Variants in LARGE1 observed in about 807,000 individuals in gnomAD.
The protein encoded by LARGE1 is xylosyl- and glucuronyltransferase LARGE1.
In LARGE1, 43 loss-of-function variants were observed where a neutral mutation model predicts 87.6. That is an observed-to-expected ratio of 0.49 (90% confidence interval 0.38 to 0.63). The LOEUF (loss-of-function observed/expected upper bound fraction) is 0.63, where lower values mean the gene tolerates loss of function less well. Among genes scored for constraint, LARGE1 ranks in the 30% least tolerant of loss-of-function variants. The probability of loss-of-function intolerance (pLI) is 0.00; values close to 1 mark genes in which losing one functional copy is unlikely to be tolerated. For synonymous variants in LARGE1, 434 were observed against 394.6 expected (o/e 1.10, Z -1.18); for missense variants, 802 against 1,000.2 (o/e 0.80, Z 2.67).
intron 2 of LARGE1, among the ~76,000 whole-genome samples, chr22:33,721,782 A>T (rs1188662578): frequency 6.6e-6 from 1 of 152,240 alleles, no homozygotes; most frequent in African/African-American, 2.4e-5. Flanking sequence ...TGGACTGTGC[A>T]TCCTGATTGG....
At chr22:33,425,290 T>C (rs1242556913) in intron 7 of LARGE1, among the ~76,000 whole-genome samples, 2 of 151,982 alleles carry the variant, frequency 1.3e-5, no homozygotes, top group African/African-American at 2.4e-5. Context: ...AAAGAGGATA[T>C]ACAGACAGAA....
intron 5 of LARGE1, among the ~76,000 whole-genome samples, chr22:33,569,616 G>C (rs1157776328): frequency 6.6e-6 from 1 of 152,148 alleles, no homozygotes; most frequent in South Asian, 2.1e-4. Context: ...CACCCTCTTA[G>C]AGACGGCATG....
chr22:33,314,282 C>G (rs1260952789), intron 11 of LARGE1, among the ~76,000 whole-genome samples: 2 of 152,254 alleles, frequency 1.3e-5, no homozygotes, highest in South Asian at 4.1e-4. Context: ...TCTTTTGGAG[C>G]CTGTGAATCC....
intron 9 of LARGE1, among the ~76,000 whole-genome samples, chr22:33,346,501 C>T (rs1409966673): frequency 1.3e-5 from 2 of 152,094 alleles, no homozygotes; most frequent in Non-Finnish European, 2.9e-5. Context: ...CGAGGTTTCG[C>T]CATGTTGTCC....
chr22:33,806,341 G>A (rs766937052), intron 1 of LARGE1, among the ~76,000 whole-genome samples: 1 of 152,134 alleles, frequency 6.6e-6, no homozygotes, highest in South Asian at 2.1e-4. Context: ...ATGGAGCTAG[G>A]GACACACGTG....
intron 1 of LARGE1, among the ~76,000 whole-genome samples, chr22:33,787,359 G>A (rs145239679): frequency 1.3e-5 from 2 of 152,220 alleles, no homozygotes; most frequent in East Asian, 1.9e-4. Flanking sequence ...TTTTCCCTAC[G>A]CTCCTCCTAC....
chr22:33,570,092 G>A (rs150384081), intron 5 of LARGE1, among the ~76,000 whole-genome samples: 2,026 of 152,282 alleles, frequency 0.013, 45 homozygotes, highest in African/African-American at 0.046. Context: ...TTAATGAGCT[G>A]TGTGACCTCA....
chr22:33,906,863 A>C (rs772361155), intron 1 of LARGE1, among the ~76,000 whole-genome samples: 25 of 152,210 alleles, frequency 1.6e-4, no homozygotes, highest in Non-Finnish European at 3.4e-4. Context: ...AAGGTGGGGA[A>C]GGCAAAGAGA....
At chr22:33,502,120 C>T (rs948354809) in intron 6 of LARGE1, among the ~76,000 whole-genome samples, 5 of 151,862 alleles carry the variant, frequency 3.3e-5, no homozygotes, top group Admixed American at 3.3e-4. Context: ...CCCTTGAACC[C>T]AGGAGGCGGA....
chr22:33,550,597 A>C (rs1175162304), intron 6 of LARGE1, among the ~76,000 whole-genome samples: 3 of 152,224 alleles, frequency 2.0e-5, no homozygotes, highest in African/African-American at 4.8e-5. Flanking sequence ...ACTCTTATAC[A>C]CTGTTGGTGG....
At chr22:33,118,094 A>G in the LARGE1 span, among the ~76,000 whole-genome samples, 3 of 152,186 alleles carry the variant, frequency 2.0e-5, no homozygotes, top group South Asian at 6.2e-4. Context: ...TAAAATTAGG[A>G]CCAGAGGCAG....
At chr22:33,111,725 G>C in the LARGE1 span, among the ~76,000 whole-genome samples, 3 of 152,210 alleles carry the variant, frequency 2.0e-5, no homozygotes, top group Non-Finnish European at 4.4e-5. Context: ...ATTTTGAGAA[G>C]GTTGCTTGAG....
chr22:33,766,276 C>T (rs2084897756), intron 1 of LARGE1, among the ~76,000 whole-genome samples: 1 of 152,132 alleles, frequency 6.6e-6, no homozygotes, highest in Non-Finnish European at 1.5e-5. Flanking sequence ...CCCTAAACAC[C>T]TCTCCCTCAA....
chr22:33,216,124 A>G (rs1238810572), intron 11 of LARGE1, among the ~76,000 whole-genome samples: 2 of 152,174 alleles, frequency 1.3e-5, no homozygotes, highest in Admixed American at 6.5e-5. Context: ...TTGTTCTTCA[A>G]TACTAGCTCT....
chr22:33,334,891 A>G (rs964400880), intron 10 of LARGE1, among the ~76,000 whole-genome samples: 2 of 152,230 alleles, frequency 1.3e-5, no homozygotes, highest in Non-Finnish European at 2.9e-5. Flanking sequence ...TTCCTGAGCA[A>G]ATAAGTATGG....
chr22:33,550,720 A>T (rs1032895059), intron 6 of LARGE1, among the ~76,000 whole-genome samples: 1 of 152,230 alleles, frequency 6.6e-6, no homozygotes, highest in African/African-American at 2.4e-5. Context: ...AAAAGAAATC[A>T]TTATATAAGA....
chr22:33,140,907 C>A, the LARGE1 span, among the ~76,000 whole-genome samples: 2 of 152,080 alleles, frequency 1.3e-5, no homozygotes, highest in Non-Finnish European at 2.9e-5. Context: ...TTAGTCCTGT[C>A]CCTCTAGAGA....
At chr22:33,598,881 A>T (rs937677853) in intron 5 of LARGE1, among the ~76,000 whole-genome samples, 1 of 152,240 alleles carries the variant, frequency 6.6e-6, no homozygotes, top group East Asian at 1.9e-4. Context: ...TCCTTTGGGT[A>T]TATACTCAGT....
rs184470685 is a variant in LARGE1 at position 33,331,268 on chromosome 22, A to G, written c.1287+6378T>C. 1.8e-3 allele frequency among the ~76,000 whole-genome samples: 269 copies of G among 152,320 alleles called. 3 individuals carry two copies. The highest frequency in any genetic ancestry group is 6.3e-3 in the African/African-American group (260 of 41,570). ...GTGACTTCTCTGAGGTCATGTGTCT[A>G]TTAAATGAGCGATTCAGATTACCAG... On this transcript the variant is annotated intron_variant, in intron 10 of 14. Transcript: ENST00000397394.
Sources: gnomAD v4.1 joint callset for allele counts (sites outside exome capture counted in the v4.1 genomes callset) on GRCh38, gnomAD v4.1.1 for gene constraint, MANE v1.5 for transcripts, NCBI Gene and HGNC (gene_info 2026-07-23, HGNC 2026-07-21) for gene names.